JPH1: variants seen among roughly 807,000 people sequenced by gnomAD.
JPH1 encodes the protein junctophilin-1.
A neutral mutation model predicts 53.6 loss-of-function variants in JPH1; 12 were observed. The ratio of observed to expected loss-of-function variants is 0.22; its 90% CI spans 0.14 to 0.36. The LOEUF is 0.36. JPH1 is among the 10% of genes least tolerant of loss of function. The probability of loss-of-function intolerance (pLI) is 1.00; values close to 1 mark genes in which losing one functional copy is unlikely to be tolerated. For missense variants in JPH1, 808 were observed against 905.5 expected, an observed-to-expected ratio of 0.89 and a Z score of 1.38; for synonymous variants, 375 against 363.8, an observed-to-expected ratio of 1.03 and a Z score of -0.35.
chr8:74,264,853 G>C (rs10504567), intron 2 of JPH1, among the ~76,000 whole-genome samples: 10,682 of 152,166 alleles, frequency 0.07, 956 homozygotes, highest in African/African-American at 0.2. Flanking sequence ...AAAGATCTAG[G>C]TGATACACTC....
chr8:74,243,227 T>C lies in JPH1; in HGVS notation c.1905+1302A>G, dbSNP rs1234412271. On this transcript the variant is annotated intron_variant, in intron 4 of 5. Transcript: ENST00000342232. ...TTACATTTAACAAATTCAATAGTGATTATTATAGTTGTAATGTCAAGATAC... is the reference window on the plus strand; with the variant it reads ...TTACATTTAACAAATTCAATAGTGACTATTATAGTTGTAATGTCAAGATAC... 4.6e-5 allele frequency among the ~76,000 whole-genome samples: 7 copies of C among 152,332 alleles called. No individual in the cohort carries two copies. In the South Asian group the frequency reaches 1.2e-3, roughly 27 times the overall value.
Position 74,252,222 on chromosome 8 carries a change from G to C in JPH1, c.1259-7047C>G, listed in dbSNP as rs1358800605. ...TAGACCTAAAACCATAAAAACCCTA[G>C]AAGAAAACCTAGGGAATACCACTCA... is the stretch of plus-strand genomic sequence containing the variant. On this transcript the variant is annotated intron_variant, in intron 3 of 5. Transcript: ENST00000342232. Among the ~76,000 whole-genome samples, 3 of 152,254 alleles carry C rather than the reference G, an allele frequency of 2.0e-5. No homozygotes were observed. In the East Asian group the frequency reaches 5.8e-4, roughly 29 times the overall value.
chr8:74,307,611 T>C (rs1354420436), intron 2 of JPH1, among the ~76,000 whole-genome samples: 1 of 152,212 alleles, frequency 6.6e-6, no homozygotes, highest in African/African-American at 2.4e-5. Context: ...TTTAACAATC[T>C]ATTCATTAAA....
At chr8:74,282,502 G>T (rs1342015132) in intron 2 of JPH1, among the ~76,000 whole-genome samples, 1 of 152,126 alleles carries the variant, frequency 6.6e-6, no homozygotes, top group Non-Finnish European at 1.5e-5. Context: ...TCAACTGCAG[G>T]AAAACATTTT....
At chr8:74,250,962 A>G (rs139865248) in intron 3 of JPH1, among the ~76,000 whole-genome samples, 4 of 152,332 alleles carry the variant, frequency 2.6e-5, no homozygotes, top group Admixed American at 2.0e-4. Flanking sequence ...AACTCCATGG[A>G]AAGCTCAGCC....
rs201269717 is a variant in JPH1, at chr8:74,251,825, C to A, written c.1259-6650G>T. Reference sequence around the variant, plus strand: ...TCACAGAATTGGAAAAAACTACTTTCAAGTTCATATGGAACCAAAAAAGAG... The same window carrying A: ...TCACAGAATTGGAAAAAACTACTTTAAAGTTCATATGGAACCAAAAAAGAG... On this transcript the variant is annotated intron_variant, in intron 3 of 5. Transcript: ENST00000342232. Among the ~76,000 whole-genome samples, 8 of 152,108 alleles carry A rather than the reference C, an allele frequency of 5.3e-5. No homozygotes were observed. The South Asian group carries it at 8.3e-4, about 16-fold the overall frequency.
Position 74,236,682 on chromosome 8 carries a change from C to T in JPH1, c.*369G>A, listed in dbSNP as rs894229588. ...CAAAAAAAAAAAAAAAATGCAGCTC[C>T]ATACATTTCCAGTTTAGTCACACTC... On this transcript the variant is annotated 3_prime_UTR_variant, in exon 6 of 6. Coordinates refer to ENST00000342232, the MANE Select transcript of JPH1 (RefSeq NM_020647.4). 6.6e-6 allele frequency: 1 copy of T among 151,750 alleles called. No individual in the cohort carries two copies. Among genetic ancestry groups the T allele is most frequent in the African/African-American group, 2.4e-5 (1 of 41,148 alleles). The allele number at this position is 151,750 out of a possible 1,614,324, so 9.4% of individuals were successfully genotyped here. A position where few individuals can be genotyped will look rare whatever the true frequency, so the allele number is the denominator to read the frequency against.
intron 2 of JPH1, among the ~76,000 whole-genome samples, chr8:74,313,764 T>C (rs1808061411): frequency 1.3e-5 from 2 of 152,188 alleles, no homozygotes; most frequent in Admixed American, 1.3e-4. Context: ...AAGAGTGTTA[T>C]TGAAGCAGAA....
At chr8:74,313,246 G>C (rs2131462966) in intron 2 of JPH1, among the ~76,000 whole-genome samples, 1 of 152,242 alleles carries the variant, frequency 6.6e-6, no homozygotes, top group South Asian at 2.1e-4. Flanking sequence ...TTTATCACTA[G>C]GTCTAAAAGT....
At chr8:74,250,469 A>C (rs1464791777) in intron 3 of JPH1, among the ~76,000 whole-genome samples, 1 of 152,172 alleles carries the variant, frequency 6.6e-6, no homozygotes, top group Non-Finnish European at 1.5e-5. Context: ...AAGAGCCACA[A>C]ATCTAGTCTC....
chr8:74,258,840 G>A (rs570193687), intron 3 of JPH1, among the ~76,000 whole-genome samples: 6 of 152,314 alleles, frequency 3.9e-5, no homozygotes, highest in South Asian at 4.1e-4. Flanking sequence ...GAGGAAGGGT[G>A]AGACTCTGGG....
chr8:74,254,926 T>G (rs1465694337), intron 3 of JPH1, among the ~76,000 whole-genome samples: 2 of 152,178 alleles, frequency 1.3e-5, no homozygotes, highest in Non-Finnish European at 2.9e-5. Flanking sequence ...CATTCCATGC[T>G]CATGGGTAGG....
Position 74,315,403 on chromosome 8 carries a change from T to A in JPH1, c.597A>T (p.Ala199=). ...TRGGFVLNFH[A]DAELAGKKKG... ...TCTTCTTGCCCGCTAGCTCAGCGTC[T>A]GCGTGGAAGTTGAGCACGAAACCGC... is the stretch of plus-strand genomic sequence containing the variant. The change falls in exon 2 of 6, where the codon GCA becomes GCT. Residue 199 remains alanine (A), a synonymous_variant. Transcript: ENST00000342232. This position sits in a 1 kb window ranked among gnomAD's most constrained non-coding sequence, Gnocchi z 6.3. The A allele has an allele frequency of 1.9e-6, 3 of 1,612,452 alleles. No homozygotes were observed. The highest frequency in any genetic ancestry group is 2.5e-6 in the Non-Finnish European group (3 of 1,179,912).
chr8:74,310,342 A>G (rs950323402), intron 2 of JPH1, among the ~76,000 whole-genome samples: 1 of 152,012 alleles, frequency 6.6e-6, no homozygotes, highest in African/African-American at 2.4e-5. Flanking sequence ...GGTGATTTGT[A>G]CCCTCAGGAC....
At chr8:74,242,312 G>A (rs1032487319) in intron 4 of JPH1, among the ~76,000 whole-genome samples, 1 of 152,094 alleles carries the variant, frequency 6.6e-6, no homozygotes, top group African/African-American at 2.4e-5. Context: ...CATTTATTCT[G>A]CGCTAGGCAC....
At chr8:74,270,332 T>C (rs1278345246) in intron 2 of JPH1, among the ~76,000 whole-genome samples, 5 of 152,228 alleles carry the variant, frequency 3.3e-5, no homozygotes, top group Admixed American at 3.3e-4. Context: ...ATCTAGTTCT[T>C]CCTGAATTCT....
intron 3 of JPH1, among the ~76,000 whole-genome samples, chr8:74,251,676 T>C (rs1160101763): frequency 2.6e-5 from 4 of 152,206 alleles, no homozygotes; most frequent in Non-Finnish European, 4.4e-5. Flanking sequence ...AACCTTTTTT[T>C]CTACTTCTTG....
At chr8:74,267,441 G>T (rs1470533326) in intron 2 of JPH1, among the ~76,000 whole-genome samples, 2 of 152,222 alleles carry the variant, frequency 1.3e-5, no homozygotes, top group East Asian at 1.9e-4. Context: ...AAGTGGGCCA[G>T]ATCTGAATTT....
At chr8:74,304,135 C>A (rs2131450559) in intron 2 of JPH1, among the ~76,000 whole-genome samples, 1 of 152,336 alleles carries the variant, frequency 6.6e-6, no homozygotes, top group East Asian at 1.9e-4. Flanking sequence ...CTATGCGTTA[C>A]CTAAGCAAGG....
Sources: gnomAD v4.1 joint callset for allele counts (sites outside exome capture counted in the v4.1 genomes callset) on GRCh38, gnomAD v4.1.1 for gene constraint, Gnocchi (gnomAD v3.1) non-coding constraint, MANE v1.5 for transcripts, NCBI Gene and HGNC (gene_info 2026-07-23, HGNC 2026-07-21) for gene names.